The following LLGL2 variants were observed in gnomAD, a reference collection of about 807,000 sequenced individuals.
The protein encoded by LLGL2 is LLGL scribble cell polarity complex component 2, also known as LLGL2, scribble cell polarity complex component.
In LLGL2, 81 loss-of-function variants were observed where a neutral mutation model predicts 123.2. The observed-to-expected ratio is 0.66, with a 90% CI of 0.55 to 0.79. LLGL2 has a LOEUF of 0.79. Ranked by LOEUF, LLGL2 falls within the 30% of genes least tolerant of loss-of-function variation. The pLI, the probability that LLGL2 is intolerant of heterozygous loss-of-function variation, is 0.00. For synonymous variants in LLGL2, 577 were observed against 594.1 expected, an observed-to-expected ratio of 0.97 and a Z score of 0.42; for missense variants, 1,273 against 1,414.6, an observed-to-expected ratio of 0.90 and a Z score of 1.61.
chr17:75,527,567 C>CT (rs908248753), intron 1 of LLGL2, among the ~76,000 whole-genome samples: 3 of 151,658 alleles, frequency 2.0e-5, no homozygotes, highest in Non-Finnish European at 4.4e-5. Context: ...AAAAAAGTAA[C>CT]TTTTTTCTCT....
At position 75,544,752 on chromosome 17, in the gene LLGL2, T is replaced by C. The variant is rs6416848; in HGVS notation, c.75+1251T>C. On this transcript the variant is annotated intron_variant, in intron 2 of 25. Coordinates refer to ENST00000392550, the MANE Select transcript of LLGL2 (RefSeq NM_001031803.2). This position sits in a 1 kb window ranked among gnomAD's most constrained non-coding sequence, Gnocchi z 4.2. ...GGGAGAGGTGGGTCAGCGCTCCCAA[T>C]GTGCCCTGCCATTTCTCTCTGTGTT... Among the ~76,000 whole-genome samples, 123,731 of 151,770 alleles carry C rather than the reference T, an allele frequency of 0.82. 51,419 individuals carry two copies. The highest frequency in any genetic ancestry group is 0.92 in the Middle Eastern group (268 of 292).
chr17:75,564,609 C>A lies in LLGL2; in HGVS notation c.1036+102C>A. 6.5e-7 allele frequency: 1 copy of A among 1,549,042 alleles called. No individual in the cohort carries two copies. The highest frequency in any genetic ancestry group is 1.2e-5 in the South Asian group (1 of 82,806). ...CAGGTGCAGTGGCTCCTGCCTGTAACCCCAGTGCTGTGGGAGGCCAAGGTG... is the reference window on the plus strand; with the variant it reads ...CAGGTGCAGTGGCTCCTGCCTGTAAACCCAGTGCTGTGGGAGGCCAAGGTG... On this transcript the variant is annotated intron_variant, in intron 10 of 25. Transcript: ENST00000392550. The surrounding 1 kb of genome is among the most constrained non-coding windows in gnomAD (Gnocchi z 4.9).
At chr17:75,526,275 A>T (rs529792223) in intron 1 of LLGL2, among the ~76,000 whole-genome samples, 1 of 152,070 alleles carries the variant, frequency 6.6e-6, no homozygotes, top group East Asian at 1.9e-4. Flanking sequence ...TGCCCCTGCC[A>T]TCTGGGCTGT....
At position 75,568,820 on chromosome 17, in the gene LLGL2, AG is replaced by A; in HGVS notation, c.1306del (p.Asp436ThrfsTer98). 6.3e-7 allele frequency: 1 copy of A among 1,593,326 alleles called. No homozygotes were observed. Among genetic ancestry groups the A allele is most frequent in the Non-Finnish European group, 8.6e-7 (1 of 1,168,692 alleles). ...CAGCCTGACCCCAGCCCCACCCCAG[AG>A]GGACCTGCTGCTCACAGGGTAGGGT... is the stretch of plus-strand genomic sequence containing the variant. ...GTSLTPAPPQ[R>X]DLLLTGHEDG... On this transcript the variant is annotated frameshift_variant, in exon 12 of 26. Transcript: ENST00000392550. LOFTEE classifies it high-confidence loss of function.
At chr17:75,571,859 AC>A (rs1358889754) in intron 18 of LLGL2, 38 bp from the exon 19 acceptor site, 3 of 1,606,120 alleles carry the variant, frequency 1.9e-6, no homozygotes, top group African/African-American at 1.3e-5. Flanking sequence ...CAGCCCTGCC[AC>A]CCCCTCACCA....
chr17:75,547,270 T>C (rs2054472303), intron 2 of LLGL2, among the ~76,000 whole-genome samples: 1 of 152,228 alleles, frequency 6.6e-6, no homozygotes, highest in Admixed American at 6.5e-5. Context: ...AGGAACTGGC[T>C]GTCAGAGCGG....
Position 75,571,017 on chromosome 17 carries a change from G to T in LLGL2, c.2093G>T (p.Arg698Leu). ...LQNMELAPVQ[R>L]KIEARSAEDS... ...AACATGGAGCTGGCGCCTGTGCAGCGCAAGATCGAGGCTCGCTCGGCAGAG... is the reference window on the plus strand; with the variant it reads ...AACATGGAGCTGGCGCCTGTGCAGCTCAAGATCGAGGCTCGCTCGGCAGAG... The change falls in exon 17 of 26, where the codon CGC becomes CTC. Residue 698 changes from arginine to leucine, a missense_variant. Coordinates refer to ENST00000392550, the MANE Select transcript of LLGL2 (RefSeq NM_001031803.2). 6.2e-7 allele frequency: 1 copy of T among 1,613,082 alleles called. No homozygotes were observed.
chr17:75,563,629 C>T (rs2055321970), intron 8 of LLGL2, 123 bp from the exon 9 acceptor site: 1 of 1,467,844 alleles, frequency 6.8e-7, no homozygotes, highest in African/African-American at 1.4e-5. Context: ...CTTCTCGGAG[C>T]AAGATTCCCA....
At chr17:75,536,492 C>G (rs7211129) in intron 1 of LLGL2, among the ~76,000 whole-genome samples, 133,347 of 151,780 alleles carry the variant, frequency 0.88, 59,230 homozygotes, top group Middle Eastern at 0.95. Flanking sequence ...CCTAACTATT[C>G]CGTGTCTCTA....
upstream of LLGL2, chr17:75,525,086 G>GCTCCCGC (rs1438869926): frequency 1.3e-5 from 2 of 153,518 alleles, no homozygotes; most frequent in East Asian, 1.9e-4. This position sits in a 1 kb window ranked among gnomAD's most constrained non-coding sequence, Gnocchi z 4.8. Flanking sequence ...CGCCCTTTCC[G>GCTCCCGC]CTCCCGCCTC....
At chr17:75,546,101 G>T in intron 2 of LLGL2, 1 of 152,492 alleles carries the variant, frequency 6.6e-6, no homozygotes. Context: ...ATCTGCTGAT[G>T]GGGCAGTAAA....
chr17:75,561,532 G>C (rs971900162), intron 6 of LLGL2, among the ~76,000 whole-genome samples: 3 of 152,002 alleles, frequency 2.0e-5, no homozygotes, highest in African/African-American at 4.8e-5. Context: ...GAGGTGGGAG[G>C]ATCACTTGAG....
chr17:75,545,254 G>A (rs1384067764), intron 2 of LLGL2, among the ~76,000 whole-genome samples: 1 of 152,094 alleles, frequency 6.6e-6, no homozygotes, highest in East Asian at 1.9e-4. Context: ...CCCAGGCCTG[G>A]GGGTGGCAGA....
At chr17:75,557,034 C>CTTTTTTTTTTTTTT (rs55649536) in intron 3 of LLGL2, among the ~76,000 whole-genome samples, 1 of 109,888 alleles carries the variant, frequency 9.1e-6, no homozygotes, top group African/African-American at 4.7e-5. Context: ...GTCTCAAAAA[C>CTTTTTTTTTTTTTT]TTTTTTTTTT....
In LLGL2 at chr17:75,556,141, G is replaced by A. The variant is rs1445601915; in HGVS notation, c.171G>A (p.Lys57=). The A allele has an allele frequency of 1.2e-6, 2 of 1,609,248 alleles. No individual in the cohort carries two copies. The highest frequency in any genetic ancestry group is 1.7e-6 in the Non-Finnish European group (2 of 1,179,494). The change falls in exon 3 of 26, where the codon AAG becomes AAA. Residue 57 remains lysine, a splice_region_variant and synonymous_variant. Coordinates refer to ENST00000392550, the MANE Select transcript of LLGL2 (RefSeq NM_001031803.2). ...TCGGCACCCGTTCTGGAGCCATCAAGCTGTATCCTCCGTCCCCTCGCTCCC... is the reference window on the plus strand; with the variant it reads ...TCGGCACCCGTTCTGGAGCCATCAAACTGTATCCTCCGTCCCCTCGCTCCC... The part of the protein sequence containing the change: ...LAIGTRSGAI[K]LYGAPGVEFM...
chr17:75,573,322 C>A, intron 20 of LLGL2, 44 bp downstream of exon 20: 2 of 1,570,078 alleles, frequency 1.3e-6, no homozygotes, highest in Non-Finnish European at 1.7e-6. Flanking sequence ...CCGGGCACTG[C>A]ACGGACGGGA....
At chr17:75,554,072 C>T (rs996930089) in intron 2 of LLGL2, among the ~76,000 whole-genome samples, 46 of 152,212 alleles carry the variant, frequency 3.0e-4, no homozygotes, top group Admixed American at 2.7e-3. Flanking sequence ...GAGGCCAAGG[C>T]GGGCAGATCA....
At chr17:75,550,453 G>C (rs1480694983) in intron 2 of LLGL2, among the ~76,000 whole-genome samples, 1 of 151,872 alleles carries the variant, frequency 6.6e-6, no homozygotes, top group East Asian at 1.9e-4. Context: ...GTAGGAGTTG[G>C]GGGTGGGATC....
chr17:75,568,017 A>G, intron 10 of LLGL2: 1 of 1,007,984 alleles, frequency 9.9e-7, no homozygotes, highest in South Asian at 4.2e-5. Flanking sequence ...AGCTGGGTCC[A>G]GGCCTGAGTG....
Sources: allele counts gnomAD v4.1 joint callset (sites outside exome capture counted in the v4.1 genomes callset), GRCh38; gene constraint gnomAD v4.1.1; non-coding constraint Gnocchi (gnomAD v3.1); transcripts MANE v1.5; gene names NCBI Gene and HGNC (gene_info 2026-07-23, HGNC 2026-07-21).